ASH1L: variants seen among roughly 807,000 people sequenced by gnomAD.
ASH1L encodes the protein ASH1 like histone lysine methyltransferase, also known as histone-lysine N-methyltransferase ASH1L.
Under a neutral mutation model 269.0 loss-of-function variants are expected in ASH1L, and 23 were observed. That is an observed-to-expected ratio of 0.09 (90% CI 0.06 to 0.12). ASH1L has a LOEUF of 0.12. Ranked by LOEUF, ASH1L falls within the 10% of genes least tolerant of loss-of-function variation. The pLI, the probability that ASH1L is intolerant of heterozygous loss-of-function variation, is 1.00. For missense variants in ASH1L, 2,912 were observed against 3,567.8 expected, an observed-to-expected ratio of 0.82 and a Z score of 4.68; for synonymous variants, 1,187 against 1,253.5, an observed-to-expected ratio of 0.95 and a Z score of 1.12.
At chr1:155,366,358 C>A (rs1354903334) in intron 12 of ASH1L, among the ~76,000 whole-genome samples, 21 of 152,186 alleles carry the variant, frequency 1.4e-4, no homozygotes, top group Admixed American at 1.4e-3. Flanking sequence ...AAAACTCATG[C>A]ATAATCCAAC....
chr1:155,492,003 C>T (rs1338337313), intron 2 of ASH1L, among the ~76,000 whole-genome samples: 2 of 149,842 alleles, frequency 1.3e-5, no homozygotes, highest in Non-Finnish European at 3.0e-5. Flanking sequence ...AAAATATATT[C>T]CAGCCTAAGG....
chr1:155,373,116 G>C (rs1656123072), intron 10 of ASH1L, among the ~76,000 whole-genome samples: 1 of 151,682 alleles, frequency 6.6e-6, no homozygotes, highest in Admixed American at 6.6e-5. Context: ...GGGAGGCTGA[G>C]ACAGGAGAAT....
chr1:155,436,486 G>A (rs890969911), intron 5 of ASH1L, among the ~76,000 whole-genome samples: 11 of 134,998 alleles, frequency 8.1e-5, no homozygotes, highest in South Asian at 7.4e-4. Flanking sequence ...GCCACCATGC[G>A]TGGACTTTTT....
chr1:155,551,779 C>G (rs1671232693), intron 1 of ASH1L, among the ~76,000 whole-genome samples: 2 of 147,278 alleles, frequency 1.4e-5, no homozygotes, highest in Admixed American at 1.4e-4. Context: ...ACCAGCCTGG[C>G]CAACATGGTG....
At position 155,438,836 on chromosome 1, in the gene ASH1L, G is replaced by A. The variant is rs1412254316; in HGVS notation, c.5319C>T (p.Asp1773=). The A allele has an allele frequency of 6.2e-7, 1 of 1,614,206 alleles. No homozygotes were observed. The highest frequency in any genetic ancestry group is 8.5e-7 in the Non-Finnish European group (1 of 1,180,032). Residue 1773 remains aspartate, a synonymous_variant, in exon 5 of 28, where the codon GAC becomes GAT. Transcript: ENST00000392403. ...GGAGTGAGATGCTATTATTGCAAGAGTCACTTGTGACTGCAGGCACTAAAA... is the reference window on the plus strand; with the variant it reads ...GGAGTGAGATGCTATTATTGCAAGAATCACTTGTGACTGCAGGCACTAAAA... ...DSLLVPAVTS[D]SCNNSISLLS...
intron 5 of ASH1L, among the ~76,000 whole-genome samples, chr1:155,421,047 G>A (rs1660633430): frequency 6.6e-6 from 1 of 150,736 alleles, no homozygotes; most frequent in Non-Finnish European, 1.5e-5. Flanking sequence ...GACCAACCGA[G>A]GCAACATAGT....
Position 155,438,318 on chromosome 1 carries a change from A to C in ASH1L, c.5828+9T>G. 1 of 1,532,944 alleles carries C rather than the reference A, an allele frequency of 6.5e-7. No homozygotes were observed. The highest frequency in any genetic ancestry group is 8.7e-7 in the Non-Finnish European group (1 of 1,145,112). The allele number at this position is 1,532,944 out of a possible 1,614,324, so 95.0% of individuals were successfully genotyped here. On this transcript the variant is annotated intron_variant, in intron 5 of 27. Coordinates refer to ENST00000392403, the MANE Select transcript of ASH1L (RefSeq NM_018489.3). ...CTCTACTCAGATAATATGTTAAATG[A>C]GGAATTACCTTTTATTATTCTCTTG...
chr1:155,510,284 C>T (rs1558179202), intron 2 of ASH1L, among the ~76,000 whole-genome samples: 1 of 151,304 alleles, frequency 6.6e-6, no homozygotes, highest in Non-Finnish European at 1.5e-5. Flanking sequence ...CGTGGTGGTG[C>T]ACACCTGTAA....
Position 155,415,766 on chromosome 1 carries a change from A to C in ASH1L, c.5986T>G (p.Ser1996Ala). Residue 1996 changes from serine (S) to alanine (A), a missense_variant, in exon 6 of 28, where the codon TCT becomes GCT. Transcript: ENST00000392403. ...TACTCTGTAGTTTTGTAAACGTCAGAATACAGCCCTGCTTTCTGATACTTC... is the reference window on the plus strand; with the variant it reads ...TACTCTGTAGTTTTGTAAACGTCAGCATACAGCCCTGCTTTCTGATACTTC... Reference protein sequence around the residue: ...KKKYQKAGLYSDVYKTTDPKS... With the variant: ...KKKYQKAGLYADVYKTTDPKS... 1 of 1,614,076 alleles carries C rather than the reference A, an allele frequency of 6.2e-7. No individual in the cohort carries two copies. The highest frequency in any genetic ancestry group is 1.1e-5 in the South Asian group (1 of 91,074).
intron 3 of ASH1L, among the ~76,000 whole-genome samples, chr1:155,475,960 C>T (rs1171637418): frequency 6.6e-6 from 1 of 152,068 alleles, no homozygotes; most frequent in Non-Finnish European, 1.5e-5. Flanking sequence ...AACCTGTGTG[C>T]CTCATTCTCT....
chr1:155,529,920 C>T (rs1320178460), intron 1 of ASH1L, among the ~76,000 whole-genome samples: 1 of 151,376 alleles, frequency 6.6e-6, no homozygotes, highest in Non-Finnish European at 1.5e-5. Flanking sequence ...GCCGAGATTG[C>T]GCCACTGCAC....
chr1:155,391,994 TAAAAG>T (rs1657970249), intron 7 of ASH1L, among the ~76,000 whole-genome samples: 1 of 151,942 alleles, frequency 6.6e-6, no homozygotes, highest in Non-Finnish European at 1.5e-5. Context: ...AAGAAAGAAA[TAAAAG>T]AAAATAAGTT....
At chr1:155,450,785 T>C (rs1663405150) in intron 4 of ASH1L, among the ~76,000 whole-genome samples, 1 of 152,274 alleles carries the variant, frequency 6.6e-6, no homozygotes, top group East Asian at 1.9e-4. Context: ...ATGGCCAAGG[T>C]TGGTAGCAAC....
In ASH1L at chr1:155,480,709, T is replaced by C; in HGVS notation, c.2161A>G (p.Lys721Glu). Reference protein sequence around the residue: ...KRKGRKPRWTKVVARSTCRSP... With the variant: ...KRKGRKPRWTEVVARSTCRSP... Reference sequence around the variant, plus strand: ...CGGCATGTGCTTCTTGCCACCACTTTAGTCCACCGAGGTTTTCTTCCTTTT... The same window carrying C: ...CGGCATGTGCTTCTTGCCACCACTTCAGTCCACCGAGGTTTTCTTCCTTTT... The change falls in exon 3 of 28, where the codon AAA (lysine) becomes GAA (glutamate). Residue 721 changes from lysine to glutamate, a missense_variant. Coordinates refer to ENST00000392403, the MANE Select transcript of ASH1L (RefSeq NM_018489.3). 6.2e-7 allele frequency: 1 copy of C among 1,613,812 alleles called. No individual in the cohort carries two copies. Among genetic ancestry groups the C allele is most frequent in the Non-Finnish European group, 8.5e-7 (1 of 1,179,970 alleles).
At chr1:155,496,893 G>A (rs994566190) in intron 2 of ASH1L, among the ~76,000 whole-genome samples, 6 of 151,598 alleles carry the variant, frequency 4.0e-5, no homozygotes, top group East Asian at 1.9e-4. Flanking sequence ...CAATTCTCCC[G>A]TCACAACCTC....
intron 10 of ASH1L, among the ~76,000 whole-genome samples, chr1:155,376,131 G>A (rs1656417314): frequency 6.6e-6 from 1 of 151,994 alleles, no homozygotes; most frequent in Non-Finnish European, 1.5e-5. Flanking sequence ...CTGAGCTTGT[G>A]GACCACACTG....
chr1:155,550,746 C>G (rs1347660499), intron 1 of ASH1L, among the ~76,000 whole-genome samples: 3 of 152,172 alleles, frequency 2.0e-5, no homozygotes, highest in Non-Finnish European at 2.9e-5. Context: ...TATTGTCTAT[C>G]TTACTCAAAA....
intron 10 of ASH1L, 41 bp from the exon 11 acceptor site, chr1:155,371,024 AC>A: frequency 6.4e-7 from 1 of 1,570,308 alleles, no homozygotes; most frequent in Non-Finnish European, 8.7e-7. Context: ...CTTACATGAT[AC>A]ATACCTTGAT....
chr1:155,450,560 T>C (rs1269131116), intron 4 of ASH1L, among the ~76,000 whole-genome samples: 4 of 152,208 alleles, frequency 2.6e-5, no homozygotes, highest in Admixed American at 2.0e-4. Flanking sequence ...TTAAAAAATG[T>C]TGAAGTTGAA....
Sources: gnomAD v4.1 joint callset for allele counts (sites outside exome capture counted in the v4.1 genomes callset) on GRCh38, gnomAD v4.1.1 for gene constraint, MANE v1.5 for transcripts, NCBI Gene and HGNC (gene_info 2026-07-23, HGNC 2026-07-21) for gene names.